Variants in C10orf105 observed in about 807,000 individuals in gnomAD.
The protein encoded by C10orf105 is chromosome 10 open reading frame 105, also known as uncharacterized protein C10orf105.
In C10orf105, 2 loss-of-function variants were observed where a neutral mutation model predicts 0.6. That is an observed-to-expected ratio of 3.18 (90% CI 1.30 to 10.01). The LOEUF is 10.01. Among genes scored for constraint, C10orf105 ranks in the 30% most tolerant of loss-of-function variants. The pLI is 0.04. For synonymous variants in C10orf105, 95 were observed against 82.4 expected (o/e 1.15, Z -0.83); for missense variants, 209 against 191.4 (o/e 1.09, Z -0.54).
At chr10:71,725,308 G>A (rs1866756533) in intron 1 of C10orf105, 1 of 1,610,708 alleles carries the variant, frequency 6.2e-7, no homozygotes, top group Non-Finnish European at 8.5e-7. Context: ...AACCATGGCA[G>A]GCCAGCACAG....
chr10:71,729,826 T>C (rs2132817375), intron 1 of C10orf105, among the ~76,000 whole-genome samples: 1 of 152,192 alleles, frequency 6.6e-6, no homozygotes, highest in South Asian at 2.1e-4. Flanking sequence ...GTGTGAACTA[T>C]TTTATTATTA....
Position 71,715,868 on chromosome 10 carries a change from G to A in C10orf105, c.*68C>T, listed in dbSNP as rs773932506. On this transcript the variant is annotated 3_prime_UTR_variant, in exon 2 of 2. Coordinates refer to ENST00000441508, the MANE Select transcript of C10orf105 (RefSeq NM_001164375.3). ...CTGTCTTCCTGCAGCCTGCAGCACCGGTCTCTGAAGCAGGAGGATCTACAG... is the reference window on the plus strand; with the variant it reads ...CTGTCTTCCTGCAGCCTGCAGCACCAGTCTCTGAAGCAGGAGGATCTACAG... The A allele has an allele frequency of 1.4e-4, 194 of 1,391,870 alleles. No individual in the cohort carries two copies. Among genetic ancestry groups the A allele is most frequent in the Middle Eastern group, 1.8e-4 (1 of 5,410 alleles). The allele number at this position is 1,391,870 out of a possible 1,614,324, so 86.2% of individuals were successfully genotyped here.
chr10:71,720,200 T>C (rs564808373), upstream of C10orf105, among the ~76,000 whole-genome samples: 5 of 152,184 alleles, frequency 3.3e-5, no homozygotes, highest in Non-Finnish European at 4.4e-5. Context: ...AGGCCCCTCC[T>C]GCAGCGTCCC....
At chr10:71,735,306 G>A (rs1839531528) in intron 1 of C10orf105, among the ~76,000 whole-genome samples, 1 of 152,288 alleles carries the variant, frequency 6.6e-6, no homozygotes, top group South Asian at 2.1e-4. Flanking sequence ...CTAAGTAAAG[G>A]CAGAGAAGAC....
chr10:71,725,309 G>A (rs1866756662), intron 1 of C10orf105: 4 of 1,610,494 alleles, frequency 2.5e-6, no homozygotes, highest in Non-Finnish European at 8.5e-7. Context: ...ACCATGGCAG[G>A]CCAGCACAGC....
In C10orf105 at chr10:71,715,727, G is replaced by A. The variant is rs548552000; in HGVS notation, c.*209C>T. On this transcript the variant is annotated 3_prime_UTR_variant, in exon 2 of 2. Transcript: ENST00000441508. ...CAGAAGTCTTTCATCAAGCAGCAGC[G>A]AGGGGGTCTGCAGAGAGGAAGGTGC... 167 of 438,146 alleles carry A rather than the reference G, an allele frequency of 3.8e-4. No individual in the cohort carries two copies. Among genetic ancestry groups the A allele is most frequent in the African/African-American group, 3.1e-3 (154 of 48,922 alleles). 27.1% of individuals were successfully genotyped at this position (438,146 alleles called of 1,614,324 possible). A position where few individuals can be genotyped will look rare whatever the true frequency, so the allele number is the denominator to read the frequency against.
chr10:71,713,050 A>C lies in C10orf105; in HGVS notation c.*2886T>G. The stretch of plus-strand genomic sequence containing the variant: ...AGGGCTCTGGCTCCCCACAAACAGG[A>C]GGAAGACTTGGCCTCCCCCTGCATA... On this transcript the variant is annotated 3_prime_UTR_variant, in exon 2 of 2. Coordinates refer to ENST00000441508, the MANE Select transcript of C10orf105 (RefSeq NM_001164375.3). 1.4e-6 allele frequency: 1 copy of C among 737,050 alleles called. No homozygotes were observed. The highest frequency in any genetic ancestry group is 2.5e-6 in the Non-Finnish European group (1 of 397,870). The allele number at this position is 737,050 out of a possible 1,614,324, so 45.7% of individuals were successfully genotyped here. A position where few individuals can be genotyped will look rare whatever the true frequency, so the allele number is the denominator to read the frequency against.
intron 1 of C10orf105, among the ~76,000 whole-genome samples, chr10:71,736,818 A>G (rs1191401210): frequency 6.6e-6 from 1 of 152,222 alleles, no homozygotes; most frequent in African/African-American, 2.4e-5. Context: ...AGGGAAAGAC[A>G]TTGATCAAAT....
chr10:71,712,492 ATACTGT>A lies in C10orf105; in HGVS notation c.*3438_*3443del. ...GCACATGGTGTTATCTAAGTATTTG[ATACTGT>A]TAGTGTTATTCCTAAGCTAAAAAGG... On this transcript the variant is annotated 3_prime_UTR_variant, in exon 2 of 2. Transcript: ENST00000441508. 1 of 632,122 alleles carries A rather than the reference ATACTGT, an allele frequency of 1.6e-6. No individual in the cohort carries two copies. Among genetic ancestry groups the A allele is most frequent in the South Asian group, 2.0e-5 (1 of 50,242 alleles). The allele number at this position is 632,122 out of a possible 1,614,324, so 39.2% of individuals were successfully genotyped here.
upstream of C10orf105, among the ~76,000 whole-genome samples, chr10:71,721,146 C>A (rs565447483): frequency 8.9e-4 from 135 of 152,336 alleles, no homozygotes; most frequent in African/African-American, 3.2e-3. Flanking sequence ...TCAAGGAAAT[C>A]TCACCATGGA....
chr10:71,723,888 C>G (rs3802713), upstream of C10orf105, among the ~76,000 whole-genome samples: 1 of 152,040 alleles, frequency 6.6e-6, no homozygotes. Context: ...AAGACATACA[C>G]GTCCCCTTGT....
chr10:71,726,495 G>A (rs1254644205), intron 1 of C10orf105, among the ~76,000 whole-genome samples: 1 of 152,186 alleles, frequency 6.6e-6, no homozygotes, highest in East Asian at 1.9e-4. Flanking sequence ...CACCTCCAAC[G>A]CTTTGCCCCA....
chr10:71,731,068 C>CAGT (rs1198022588), intron 1 of C10orf105, among the ~76,000 whole-genome samples: 3 of 152,242 alleles, frequency 2.0e-5, no homozygotes, highest in African/African-American at 7.2e-5. Context: ...TGCCGCAGGG[C>CAGT]AGTAGCCTGA....
intron 1 of C10orf105, chr10:71,737,716 A>T (rs1589387174): frequency 4.2e-6 from 2 of 470,728 alleles, no homozygotes; most frequent in Non-Finnish European, 8.8e-6. Context: ...TCATCAGTGA[A>T]CCCCTGGGTA....
At position 71,712,578 on chromosome 10, in the gene C10orf105, G is replaced by A. The variant is rs899817371; in HGVS notation, c.*3358C>T. 6.7e-7 allele frequency: 1 copy of A among 1,499,582 alleles called. No homozygotes were observed. Among genetic ancestry groups the A allele is most frequent in the South Asian group, 1.2e-5 (1 of 82,186 alleles). 92.9% of individuals were successfully genotyped at this position (1,499,582 alleles called of 1,614,324 possible). ...TGGGGCGGAACAGGGCACCTCTCTG[G>A]CCGGTGCCCGGGAGTGTGCAAAGTC... On this transcript the variant is annotated 3_prime_UTR_variant, in exon 2 of 2. Coordinates refer to ENST00000441508, the MANE Select transcript of C10orf105 (RefSeq NM_001164375.3).
chr10:71,724,078 G>A (rs1373765243), upstream of C10orf105: 1 of 1,559,874 alleles, frequency 6.4e-7, no homozygotes, highest in Non-Finnish European at 8.7e-7. Context: ...GGGCGAGTTT[G>A]GGCGTGTGTG....
Position 71,730,465 on chromosome 10 carries a change from A to G in C10orf105, c.-6+7263T>C, listed in dbSNP as rs1385722481. 3.7e-6 allele frequency: 6 copies of G among 1,613,314 alleles called. No homozygotes were observed. Among genetic ancestry groups the G allele is most frequent in the East Asian group, 2.2e-5 (1 of 44,888 alleles). ...ACCTTGCACCCCTGGCCCGGCTCCC[A>G]CAGGTGATTGTGTACGTGGAGGACA... On this transcript the variant is annotated intron_variant, in intron 1 of 1. Transcript: ENST00000398786.
chr10:71,714,967 C>G lies in C10orf105; in HGVS notation c.*969G>C, dbSNP rs1189945466. 1 of 152,276 alleles carries G rather than the reference C, an allele frequency of 6.6e-6. No homozygotes were observed. Among genetic ancestry groups the G allele is most frequent in the Non-Finnish European group, 1.5e-5 (1 of 68,068 alleles). The allele number at this position is 152,276 out of a possible 1,614,324, so 9.4% of individuals were successfully genotyped here. A position where few individuals can be genotyped will look rare whatever the true frequency, so the allele number is the denominator to read the frequency against. On this transcript the variant is annotated 3_prime_UTR_variant, in exon 2 of 2. Transcript: ENST00000441508. The stretch of plus-strand genomic sequence containing the variant: ...CTGAGAAGCCCATCCTGGGGTGGGA[C>G]TGCTTTGACGGGTCATCAGCAAAGC...
chr10:71,728,417 C>T (rs1258318286), intron 1 of C10orf105, among the ~76,000 whole-genome samples: 1 of 152,150 alleles, frequency 6.6e-6, no homozygotes, highest in African/African-American at 2.4e-5. Context: ...TGCCCCCAGC[C>T]CTGCCACCCT....
Sources: allele counts gnomAD v4.1 joint callset (sites outside exome capture counted in the v4.1 genomes callset), GRCh38; gene constraint gnomAD v4.1.1; transcripts MANE v1.5; gene names NCBI Gene and HGNC (gene_info 2026-07-23, HGNC 2026-07-21).